The following HSD17B4 variants were observed in gnomAD, a reference collection of about 807,000 sequenced individuals.
HSD17B4 encodes the protein hydroxysteroid 17-beta dehydrogenase 4.
A neutral mutation model predicts 101.0 loss-of-function variants in HSD17B4; 70 were observed. The ratio of observed to expected loss-of-function variants is 0.69; its 90% CI spans 0.57 to 0.85. HSD17B4 has a LOEUF of 0.85. Ranked by LOEUF, HSD17B4 falls within the 40% of genes least tolerant of loss-of-function variation. The pLI is 0.00. For missense variants in HSD17B4, 984 were observed against 892.4 expected (o/e 1.10, Z -1.31); for synonymous variants, 347 against 297.1 (o/e 1.17, Z -1.73).
intron 21 of HSD17B4, 25 bp from the exon 22 acceptor site, chr5:119,531,241 A>G: frequency 6.2e-7 from 1 of 1,612,002 alleles, no homozygotes; most frequent in Non-Finnish European, 8.5e-7. Flanking sequence ...AGAACTTTTA[A>G]AGTTTATTTT....
chr5:119,474,241 G>C (rs975580474), intron 3 of HSD17B4, among the ~76,000 whole-genome samples, 160 bp from the exon 4 acceptor site: 98 of 152,092 alleles, frequency 6.4e-4, no homozygotes, highest in African/African-American at 2.3e-3. Context: ...ATTTTTATTA[G>C]TGAGCACATG....
At chr5:119,482,846 T>G (rs1044662067) in intron 8 of HSD17B4, among the ~76,000 whole-genome samples, 1 of 152,068 alleles carries the variant, frequency 6.6e-6, no homozygotes, top group African/African-American at 2.4e-5. Flanking sequence ...AATCTCCATT[T>G]TTTGAGTGGG....
chr5:119,488,359 A>C (rs1206522473), intron 8 of HSD17B4, among the ~76,000 whole-genome samples: 1 of 152,112 alleles, frequency 6.6e-6, no homozygotes, highest in Non-Finnish European at 1.5e-5. Context: ...TGGTAAAGAG[A>C]AGTTGGCTAA....
Position 119,470,858 on chromosome 5 carries a change from C to T in HSD17B4, c.113-3050C>T, listed in dbSNP as rs377503981. Among the ~76,000 whole-genome samples, 16 of 152,296 alleles carry T rather than the reference C, an allele frequency of 1.1e-4. No individual in the cohort carries two copies. In the South Asian group the frequency reaches 2.5e-3, roughly 24 times the overall value. On this transcript the variant is annotated intron_variant, in intron 2 of 23. Transcript: ENST00000510025. ...TAAGATTTTAATTTCTGTGATTTCGCTCTGGTGATAATGGGATTGCTGAGT... is the reference window on the plus strand; with the variant it reads ...TAAGATTTTAATTTCTGTGATTTCGTTCTGGTGATAATGGGATTGCTGAGT...
chr5:119,501,788 C>A (rs1048124550), intron 13 of HSD17B4, among the ~76,000 whole-genome samples: 2 of 152,084 alleles, frequency 1.3e-5, no homozygotes, highest in Admixed American at 1.3e-4. Flanking sequence ...AATTAACAGT[C>A]AACAAGGCTT....
chr5:119,478,433 G>C (rs1217520804), intron 7 of HSD17B4, among the ~76,000 whole-genome samples: 1 of 152,174 alleles, frequency 6.6e-6, no homozygotes, highest in Non-Finnish European at 1.5e-5. Flanking sequence ...GGTTGGGTCA[G>C]ATTTTGAGAT....
intron 12 of HSD17B4, among the ~76,000 whole-genome samples, chr5:119,497,556 A>G (rs184102830): frequency 8.5e-5 from 13 of 152,250 alleles, no homozygotes; most frequent in Admixed American, 5.2e-4. Context: ...TCTGGAGGTT[A>G]TATGCTCCCA....
intron 8 of HSD17B4, among the ~76,000 whole-genome samples, chr5:119,485,787 T>A (rs1749563049): frequency 6.6e-6 from 1 of 152,190 alleles, no homozygotes; most frequent in Non-Finnish European, 1.5e-5. Flanking sequence ...AACCCTATAA[T>A]GAGTATCCAG....
chr5:119,533,486 GATT>G (rs1754288750), intron 22 of HSD17B4, among the ~76,000 whole-genome samples: 1 of 152,066 alleles, frequency 6.6e-6, no homozygotes. Context: ...CTTAGCTACT[GATT>G]ATGTCTAAAA....
chr5:119,536,134 A>T (rs1022669052), intron 22 of HSD17B4: 1 of 379,512 alleles, frequency 2.6e-6, no homozygotes. Flanking sequence ...CTGTGATCTT[A>T]TAGGTGTCTA....
At chr5:119,459,873 CTT>C (rs545329527) in intron 2 of HSD17B4, among the ~76,000 whole-genome samples, 22 of 142,318 alleles carry the variant, frequency 1.5e-4, no homozygotes, top group Admixed American at 2.1e-4. Context: ...CCCCACATCT[CTT>C]TTTTTTTTTT....
chr5:119,541,394 G>A (rs777381384), intron 23 of HSD17B4, among the ~76,000 whole-genome samples: 82 of 152,166 alleles, frequency 5.4e-4, no homozygotes, highest in Non-Finnish European at 9.8e-4. Flanking sequence ...AGCTCACCTT[G>A]CTATTAAGGG....
At chr5:119,521,868 G>T (rs74934964) in intron 17 of HSD17B4, among the ~76,000 whole-genome samples, 2 of 150,108 alleles carry the variant, frequency 1.3e-5, no homozygotes, top group South Asian at 2.1e-4. Flanking sequence ...TTATTTGGAG[G>T]GGGGGTGGAT....
At chr5:119,538,123 G>T (rs1754685629) in intron 23 of HSD17B4, among the ~76,000 whole-genome samples, 1 of 152,098 alleles carries the variant, frequency 6.6e-6, no homozygotes, top group Non-Finnish European at 1.5e-5. Context: ...AACTTACTGT[G>T]ACCAAAATAG....
intron 10 of HSD17B4, chr5:119,493,124 C>G (rs939769034): frequency 7.2e-5 from 11 of 152,278 alleles, no homozygotes; most frequent in African/African-American, 2.7e-4. Flanking sequence ...ACAGGCATTT[C>G]TGTCATTCCC....
In HSD17B4 at chr5:119,478,852, A is replaced by C. The variant is rs1481926260; in HGVS notation, c.453A>C (p.Ser151=). 1 of 1,613,324 alleles carries C rather than the reference A, an allele frequency of 6.2e-7. No individual in the cohort carries two copies. The highest frequency in any genetic ancestry group is 8.5e-7 in the Non-Finnish European group (1 of 1,179,418). Reference sequence around the variant, plus strand: ...TTTTTAGGATTATTATGACTTCATCAGCTTCAGGAATATATGGCAACTTTG... The same window carrying C: ...TTTTTAGGATTATTATGACTTCATCCGCTTCAGGAATATATGGCAACTTTG... ...QKYGRIIMTS[S]ASGIYGNFGQ... is the part of the protein sequence containing the mutation. Residue 151 remains serine (S), a synonymous_variant, in exon 8 of 24, where the codon TCA becomes TCC. Transcript: ENST00000510025.
chr5:119,529,950 A>T lies in HSD17B4; in HGVS notation c.1824A>T (p.Thr608=), dbSNP rs1307922864. 2 of 1,609,806 alleles carry T rather than the reference A, an allele frequency of 1.2e-6. No homozygotes were observed. The highest frequency in any genetic ancestry group is 2.2e-5 in the East Asian group (1 of 44,802). ...ISNAYVDLAP[T]SGTSAKTPSE... is the part of the protein sequence containing the mutation. ...ATGCATATGTGGATCTTGCACCAAC[A>T]TCTGGTACTTCAGCTAAGACACCCT... Residue 608 remains threonine, a synonymous_variant, in exon 21 of 24, where the codon ACA becomes ACT. Coordinates refer to ENST00000510025, the MANE Select transcript of HSD17B4 (RefSeq NM_000414.4).
chr5:119,509,937 G>T (rs1395220086), intron 16 of HSD17B4, among the ~76,000 whole-genome samples: 1 of 152,166 alleles, frequency 6.6e-6, no homozygotes, highest in Non-Finnish European at 1.5e-5. Flanking sequence ...TTAACAGTAG[G>T]CTATCAGTTG....
chr5:119,518,568 AGAG>A (rs907898113), intron 17 of HSD17B4, among the ~76,000 whole-genome samples: 3 of 152,158 alleles, frequency 2.0e-5, no homozygotes, highest in African/African-American at 7.2e-5. Flanking sequence ...GGAGTGTAAG[AGAG>A]GAGAAGAGCA....
Sources: allele counts gnomAD v4.1 joint callset (sites outside exome capture counted in the v4.1 genomes callset), GRCh38; gene constraint gnomAD v4.1.1; transcripts MANE v1.5; gene names NCBI Gene and HGNC (gene_info 2026-07-23, HGNC 2026-07-21).